The following TSEN15 variants were observed in gnomAD, a reference collection of about 807,000 sequenced individuals.
TSEN15 encodes the protein tRNA splicing endonuclease subunit 15.
TSEN15 carries 10 observed loss-of-function variants against 20.5 expected under a neutral mutation model. The ratio of observed to expected loss-of-function variants is 0.49; its 90% confidence interval spans 0.30 to 0.83. The LOEUF is 0.83. TSEN15 is among the 40% of genes least tolerant of loss of function. The pLI is 0.06. For synonymous variants in TSEN15, 72 were observed against 80.1 expected (o/e 0.90, Z 0.54); for missense variants, 180 against 218.6 (o/e 0.82, Z 1.11).
At chr1:184,062,885 A>T (rs932739350) in intron 3 of TSEN15, among the ~76,000 whole-genome samples, 25 of 151,570 alleles carry the variant, frequency 1.6e-4, no homozygotes, top group Admixed American at 8.5e-4. Context: ...TATGTAAATT[A>T]AAAAAAAGCT....
chr1:184,095,293 A>G (rs1651427875), intron 3 of TSEN15: 2 of 394,928 alleles, frequency 5.1e-6, no homozygotes, highest in Non-Finnish European at 8.9e-6. Context: ...AAGAAGAAAG[A>G]GCAACACCGC....
In TSEN15 at chr1:184,051,845, T is replaced by G. The variant is rs755201400; in HGVS notation, c.90T>G (p.Ala30=). ...GVRGFGDGGG[A]PSWAPEDAWM... ...GCGGCTTTGGCGACGGCGGTGGAGC[T>G]CCTTCGTGGGCCCCTGAGGACGCCT... The change falls in exon 1 of 5, where the codon GCT becomes GCG. Residue 30 remains alanine (A), a synonymous_variant. Coordinates refer to ENST00000645668, the MANE Select transcript of TSEN15 (RefSeq NM_052965.4). The G allele has an allele frequency of 3.9e-6, 6 of 1,551,200 alleles. No individual in the cohort carries two copies. Among genetic ancestry groups the G allele is most frequent in the Non-Finnish European group, 2.6e-6 (3 of 1,148,370 alleles).
chr1:184,066,701 C>T (rs1017723350), intron 3 of TSEN15, among the ~76,000 whole-genome samples: 7 of 152,040 alleles, frequency 4.6e-5, no homozygotes, highest in East Asian at 1.9e-4. Context: ...CCACTGTGCC[C>T]GGCTTGTAAT....
intron 3 of TSEN15, among the ~76,000 whole-genome samples, chr1:184,092,975 C>T (rs905339876): frequency 6.6e-6 from 1 of 152,184 alleles, no homozygotes; most frequent in African/African-American, 2.4e-5. Flanking sequence ...TTATTGTTTC[C>T]TGGCATGAAC....
intron 3 of TSEN15, among the ~76,000 whole-genome samples, chr1:184,079,605 T>A (rs1241145883): frequency 6.6e-6 from 1 of 152,106 alleles, no homozygotes; most frequent in African/African-American, 2.4e-5. Flanking sequence ...CACGTGCAAG[T>A]GCATGCTGTC....
chr1:184,089,759 G>A (rs1024652931), intron 3 of TSEN15, among the ~76,000 whole-genome samples: 10 of 151,916 alleles, frequency 6.6e-5, no homozygotes, highest in Non-Finnish European at 1.2e-4. Flanking sequence ...GGAAGTAGGT[G>A]AGGGAGAAAA....
intron 3 of TSEN15, among the ~76,000 whole-genome samples, chr1:184,060,496 G>C (rs1022928046): frequency 1.3e-5 from 2 of 152,172 alleles, no homozygotes; most frequent in Non-Finnish European, 2.9e-5. Flanking sequence ...CTAAATGGGT[G>C]GTGTCATTGA....
At chr1:184,058,053 T>C (rs931869844) in intron 3 of TSEN15, 3 of 345,976 alleles carry the variant, frequency 8.7e-6, no homozygotes, top group Non-Finnish European at 1.7e-5. Flanking sequence ...CCTGCATTTA[T>C]TCCTAAAAAA....
rs1650936710 is a variant in TSEN15 at position 184,072,827 on chromosome 1, A to C, written c.496A>C (p.Asn166His). The C allele has an allele frequency of 1.2e-6, 2 of 1,601,294 alleles. No individual in the cohort carries two copies. ...TDGFMLPDPQ[N>H]ISLRR ...CCATCCTGATCTTTTTTTTTTCCAG[A>C]ATATTTCTCTTAGAAGATGACATCC... Residue 166 changes from asparagine to histidine, a missense_variant and splice_region_variant, in exon 5 of 5, where the codon AAT (asparagine) becomes CAT (histidine). Physicochemically the swap from Asn to His is moderately conservative, Grantham distance 68. Transcript: ENST00000645668.
intron 3 of TSEN15, among the ~76,000 whole-genome samples, chr1:184,092,637 A>G (rs1651380315): frequency 6.6e-6 from 1 of 152,200 alleles, no homozygotes; most frequent in South Asian, 2.1e-4. Context: ...TCTTCCTGAA[A>G]CACTAGAGTT....
At chr1:184,080,508 G>C (rs1651146150) in intron 3 of TSEN15, among the ~76,000 whole-genome samples, 1 of 152,156 alleles carries the variant, frequency 6.6e-6, no homozygotes, top group Non-Finnish European at 1.5e-5. Flanking sequence ...AAATTATTCA[G>C]TCCTGGAGGG....
chr1:184,087,625 A>C (rs1302535926), intron 3 of TSEN15, among the ~76,000 whole-genome samples: 1 of 152,180 alleles, frequency 6.6e-6, no homozygotes, highest in African/African-American at 2.4e-5. Context: ...GACTTTCAGA[A>C]CATCCCATGT....
intron 3 of TSEN15, among the ~76,000 whole-genome samples, chr1:184,068,887 A>G (rs1162363898): frequency 1.3e-5 from 2 of 152,198 alleles, no homozygotes; most frequent in African/African-American, 2.4e-5. Context: ...GATACTTTCT[A>G]TGGGTTGAAA....
chr1:184,080,271 A>C (rs912688153), intron 3 of TSEN15, among the ~76,000 whole-genome samples: 6 of 152,194 alleles, frequency 3.9e-5, no homozygotes, highest in African/African-American at 1.4e-4. Context: ...AACAGAGCTG[A>C]TGTTACTTAC....
At chr1:184,077,979 G>C (rs1339935844), downstream of TSEN15, among the ~76,000 whole-genome samples, 2 of 152,302 alleles carry the variant, frequency 1.3e-5, no homozygotes, top group East Asian at 3.9e-4. Flanking sequence ...CAGCAGCAGA[G>C]TTTGAGAAGA....
chr1:184,072,360 A>G, intron 4 of TSEN15, 62 bp downstream of exon 4: 7 of 1,482,530 alleles, frequency 4.7e-6, no homozygotes, highest in Non-Finnish European at 6.4e-6. Flanking sequence ...ACGTGATTTT[A>G]AGTGTGACTC....
chr1:184,059,842 A>G (rs768649856), intron 3 of TSEN15, among the ~76,000 whole-genome samples: 17 of 152,220 alleles, frequency 1.1e-4, no homozygotes, highest in Non-Finnish European at 2.5e-4. Flanking sequence ...AAATTCTGGC[A>G]TTACAGGTGT....
intron 3 of TSEN15, among the ~76,000 whole-genome samples, chr1:184,062,642 C>T (rs938179310): frequency 3.9e-5 from 6 of 152,014 alleles, no homozygotes; most frequent in African/African-American, 1.4e-4. Flanking sequence ...AGTAGTACTA[C>T]AGGTAGTTGC....
intron 1 of TSEN15, 70 bp downstream of exon 1, chr1:184,051,960 C>T (rs900821994): frequency 4.2e-5 from 56 of 1,329,944 alleles, no homozygotes; most frequent in Non-Finnish European, 4.8e-6. Flanking sequence ...CCAGGCAGCT[C>T]TCTTTCTTTC....
Sources: allele counts gnomAD v4.1 joint callset (sites outside exome capture counted in the v4.1 genomes callset), GRCh38; gene constraint gnomAD v4.1.1; transcripts MANE v1.5; gene names NCBI Gene and HGNC (gene_info 2026-07-23, HGNC 2026-07-21).